Variants in SH3GL2 observed in about 807,000 individuals in gnomAD.
The protein encoded by SH3GL2 is SH3 domain containing GRB2 like 2, endophilin A1.
Under a neutral mutation model 46.0 loss-of-function variants are expected in SH3GL2, and 24 were observed. The ratio of observed to expected loss-of-function variants is 0.52; its 90% CI spans 0.38 to 0.73. The LOEUF (loss-of-function observed/expected upper bound fraction) is 0.73, where lower values mean the gene tolerates loss of function less well. SH3GL2 is among the 30% of genes least tolerant of loss of function. The pLI is 0.00. For synonymous variants in SH3GL2, 196 were observed against 147.1 expected (o/e 1.33, Z -2.40); for missense variants, 413 against 424.2 (o/e 0.97, Z 0.23).
chr9:17,756,389 A>G (rs1227336087), intron 2 of SH3GL2, among the ~76,000 whole-genome samples: 3 of 151,628 alleles, frequency 2.0e-5, no homozygotes, highest in Non-Finnish European at 4.4e-5. Context: ...GGTTTGTTAC[A>G]TATGTATACA....
At chr9:17,628,401 C>G (rs1370254200) in intron 1 of SH3GL2, among the ~76,000 whole-genome samples, 1 of 146,748 alleles carries the variant, frequency 6.8e-6, no homozygotes, top group Non-Finnish European at 1.5e-5. Flanking sequence ...GCCCAGATAA[C>G]TATATCTTGG....
chr9:17,607,369 G>C (rs189071809), intron 1 of SH3GL2, among the ~76,000 whole-genome samples: 2 of 152,132 alleles, frequency 1.3e-5, no homozygotes, highest in South Asian at 4.1e-4. Context: ...GTAAAAATAT[G>C]GTATAAACGA....
intron 1 of SH3GL2, among the ~76,000 whole-genome samples, chr9:17,585,483 A>C (rs778358455): frequency 1.3e-5 from 2 of 152,192 alleles, no homozygotes; most frequent in Non-Finnish European, 2.9e-5. Flanking sequence ...GAGGGGACAT[A>C]GGAGAGGCTC....
At chr9:17,726,274 G>A (rs747073690) in intron 1 of SH3GL2, among the ~76,000 whole-genome samples, 1 of 152,036 alleles carries the variant, frequency 6.6e-6, no homozygotes, top group Non-Finnish European at 1.5e-5. Flanking sequence ...TATCTGATGG[G>A]CTAATCCTTC....
At chr9:17,644,836 G>T (rs1006957560) in intron 1 of SH3GL2, among the ~76,000 whole-genome samples, 12 of 152,062 alleles carry the variant, frequency 7.9e-5, no homozygotes, top group African/African-American at 2.7e-4. Context: ...ATGTCTATTA[G>T]GTCTGCTTGG....
intron 1 of SH3GL2, chr9:17,589,722 G>A (rs2134545153): frequency 6.6e-6 from 1 of 152,362 alleles, no homozygotes; most frequent in South Asian, 2.1e-4. Context: ...ACATCGGATG[G>A]CTACATGGTA....
intron 1 of SH3GL2, among the ~76,000 whole-genome samples, chr9:17,670,189 G>C (rs1820439291): frequency 6.6e-6 from 1 of 152,126 alleles, no homozygotes; most frequent in Non-Finnish European, 1.5e-5. Context: ...TCCCCATGGT[G>C]GACATGCCTG....
At chr9:17,605,803 C>A (rs1361787325) in intron 1 of SH3GL2, among the ~76,000 whole-genome samples, 1 of 152,138 alleles carries the variant, frequency 6.6e-6, no homozygotes, top group African/African-American at 2.4e-5. Context: ...ATATTGTGGA[C>A]ATTCAAACTA....
chr9:17,730,720 C>G (rs1822155149), intron 1 of SH3GL2, among the ~76,000 whole-genome samples: 1 of 151,738 alleles, frequency 6.6e-6, no homozygotes. Context: ...AGATACTCTC[C>G]TAAATTTTAA....
At chr9:17,696,329 A>C (rs1199729340) in intron 1 of SH3GL2, among the ~76,000 whole-genome samples, 1 of 152,222 alleles carries the variant, frequency 6.6e-6, no homozygotes, top group Admixed American at 6.5e-5. Context: ...GACTGTGAAG[A>C]AAACGGTTTT....
chr9:17,607,581 G>A (rs1021535756), intron 1 of SH3GL2, among the ~76,000 whole-genome samples: 1 of 152,180 alleles, frequency 6.6e-6, no homozygotes, highest in Non-Finnish European at 1.5e-5. Flanking sequence ...TATGCGGCAC[G>A]TGGCTGTATT....
chr9:17,795,731 C>A lies in SH3GL2; in HGVS notation c.1047C>A (p.Ala349=). 1.9e-6 allele frequency: 3 copies of A among 1,613,454 alleles called. No homozygotes were observed. Among genetic ancestry groups the A allele is most frequent in the Non-Finnish European group, 2.5e-6 (3 of 1,179,614 alleles). ...FPINYVEILV[A]LPH ...TCAATTATGTGGAAATTCTGGTTGC[C>A]CTGCCCCATTAGGATGTTATGCTGG... The change falls in exon 9 of 9, where the codon GCC becomes GCA. Residue 349 remains alanine, a synonymous_variant. Transcript: ENST00000380607.
chr9:17,705,095 A>G (rs942183916), intron 1 of SH3GL2, among the ~76,000 whole-genome samples: 5 of 152,250 alleles, frequency 3.3e-5, no homozygotes, highest in South Asian at 2.1e-4. Flanking sequence ...ATAAGCAGAC[A>G]CTTTTCAAAA....
chr9:17,707,804 C>T lies in SH3GL2; in HGVS notation c.46-39262C>T, dbSNP rs146644558. Among the ~76,000 whole-genome samples, 233 of 152,102 alleles carry T rather than the reference C, an allele frequency of 1.5e-3. 2 individuals carry two copies. Among genetic ancestry groups the T allele is most frequent in the African/African-American group, 4.7e-3 (197 of 41,546 alleles). ...CACGGTCCCTTACATAAGCCTGTTT[C>T]ATTTGCTACCGATAATAAAAATCCT... On this transcript the variant is annotated intron_variant, in intron 1 of 8. Coordinates refer to ENST00000380607, the MANE Select transcript of SH3GL2 (RefSeq NM_003026.5).
intron 1 of SH3GL2, among the ~76,000 whole-genome samples, chr9:17,726,280 C>A (rs903528926): frequency 2.6e-5 from 4 of 152,100 alleles, no homozygotes; most frequent in Admixed American, 2.6e-4. Context: ...ATGGGCTAAT[C>A]CTTCATTGTC....
chr9:17,612,412 T>C (rs1193098179), intron 1 of SH3GL2, among the ~76,000 whole-genome samples: 1 of 152,196 alleles, frequency 6.6e-6, no homozygotes, highest in Non-Finnish European at 1.5e-5. Context: ...AACTGCTGAA[T>C]CTCAGACCCT....
chr9:17,735,893 C>G, intron 1 of SH3GL2: 1 of 216,616 alleles, frequency 4.6e-6, no homozygotes, highest in Non-Finnish European at 7.9e-6. Context: ...CATACTTATA[C>G]CCTGTGGGGG....
chr9:17,610,377 C>G (rs145074332), intron 1 of SH3GL2, among the ~76,000 whole-genome samples: 2 of 152,154 alleles, frequency 1.3e-5, no homozygotes, highest in South Asian at 4.1e-4. Flanking sequence ...GTCTAACAGG[C>G]ACCTGCTCTA....
At chr9:17,687,217 GT>G (rs563293513) in intron 1 of SH3GL2, among the ~76,000 whole-genome samples, 2 of 151,924 alleles carry the variant, frequency 1.3e-5, no homozygotes, top group Admixed American at 6.6e-5. Context: ...TAAATTTTGA[GT>G]TTTTTTCAAT....
Sources: allele counts gnomAD v4.1 joint callset (sites outside exome capture counted in the v4.1 genomes callset), GRCh38; gene constraint gnomAD v4.1.1; transcripts MANE v1.5; gene names NCBI Gene and HGNC (gene_info 2026-07-23, HGNC 2026-07-21).